The following RASAL1 variants were observed in gnomAD, a reference collection of about 807,000 sequenced individuals.
The protein encoded by RASAL1 is rasGAP-activating-like protein 1.
In RASAL1, 72 loss-of-function variants were observed where a neutral mutation model predicts 96.6. The ratio of observed to expected loss-of-function variants is 0.75; its 90% CI spans 0.62 to 0.91. RASAL1 has a LOEUF of 0.91. Ranked by LOEUF, RASAL1 falls within the 40% of genes least tolerant of loss-of-function variation. The pLI is 0.00. For synonymous variants in RASAL1, 405 were observed against 430.4 expected (o/e 0.94, Z 0.73); for missense variants, 1,016 against 1,072.5 (o/e 0.95, Z 0.74).
At chr12:113,100,189 G>C in intron 20 of RASAL1, 121 bp from the exon 21 acceptor site, 1 of 1,156,396 alleles carries the variant, frequency 8.6e-7, no homozygotes, top group African/African-American at 1.6e-5. Context: ...TAAAATCCTT[G>C]AGAATCCCCA....
In RASAL1 at chr12:113,115,071, C is replaced by T; in HGVS notation, c.1068+129G>A. On this transcript the variant is annotated intron_variant, in intron 11 of 20. Coordinates refer to ENST00000548055, the MANE Select transcript of RASAL1 (RefSeq NM_001301202.2). The surrounding 1 kb of genome is among the most constrained non-coding windows in gnomAD (Gnocchi z 4.1). ...TGCAACTCAGGGCAAGGCCGGGCACCAGCCGCCAGCACTGCAGCTCGGCTG... is the reference window on the plus strand; with the variant it reads ...TGCAACTCAGGGCAAGGCCGGGCACTAGCCGCCAGCACTGCAGCTCGGCTG... 1 of 1,169,286 alleles carries T rather than the reference C, an allele frequency of 8.6e-7. No homozygotes were observed. The highest frequency in any genetic ancestry group is 1.3e-6 in the Non-Finnish European group (1 of 786,488). 72.4% of individuals were successfully genotyped at this position (1,169,286 alleles called of 1,614,324 possible).
At chr12:113,134,494 G>T (rs559744858) in intron 1 of RASAL1, among the ~76,000 whole-genome samples, 1 of 152,290 alleles carries the variant, frequency 6.6e-6, no homozygotes, top group East Asian at 1.9e-4. Context: ...ACCAGATGGG[G>T]ACTCCGGTCC....
chr12:113,135,761 C>A lies in RASAL1; in HGVS notation c.-299G>T, dbSNP rs1431575886. On this transcript the variant is annotated 5_prime_UTR_variant, in exon 1 of 21. Coordinates refer to ENST00000548055, the MANE Select transcript of RASAL1 (RefSeq NM_001301202.2). The surrounding 1 kb of genome is among the most constrained non-coding windows in gnomAD (Gnocchi z 5.7). ...TGGAGCTCCAGACAAGCAGGCTGGG[C>A]GGGCAGGGGGCGGGAGGGGCGGCCC... The A allele has an allele frequency of 6.2e-6, 1 of 160,868 alleles. No homozygotes were observed. The highest frequency in any genetic ancestry group is 1.3e-5 in the Non-Finnish European group (1 of 79,024). 10.0% of individuals were successfully genotyped at this position (160,868 alleles called of 1,614,324 possible).
In RASAL1 at chr12:113,129,035, T is replaced by C. The variant is rs1466290168; in HGVS notation, c.123-857A>G. ...TTCATTCATTTGTTCATTCGTTTAC[T>C]CCATAAACATTCACTTGGACTATGG... On this transcript the variant is annotated intron_variant, in intron 2 of 20. Coordinates refer to ENST00000548055, the MANE Select transcript of RASAL1 (RefSeq NM_001301202.2). This position sits in a 1 kb window ranked among gnomAD's most constrained non-coding sequence, Gnocchi z 5.0. Among the ~76,000 whole-genome samples, 2 of 151,924 alleles carry C rather than the reference T, an allele frequency of 1.3e-5. No individual in the cohort carries two copies. The highest frequency in any genetic ancestry group is 2.4e-5 in the African/African-American group (1 of 41,358).
Position 113,125,509 on chromosome 12 carries a change from C to T in RASAL1, c.298+2303G>A, listed in dbSNP as rs557652285. On this transcript the variant is annotated intron_variant, in intron 4 of 20. Transcript: ENST00000548055. Reference sequence around the variant, plus strand: ...TTCAAAACTGTATATAAAAAAGGCTCATGGAGAAGTGCAAAATAAACCTAT... The same window carrying T: ...TTCAAAACTGTATATAAAAAAGGCTTATGGAGAAGTGCAAAATAAACCTAT... Among the ~76,000 whole-genome samples, 12 of 152,258 alleles carry T rather than the reference C, an allele frequency of 7.9e-5. No homozygotes were observed. The South Asian group carries it at 2.1e-3, about 26-fold the overall frequency.
At chr12:113,101,836 G>T in intron 19 of RASAL1, 53 bp downstream of exon 19, 1 of 1,587,228 alleles carries the variant, frequency 6.3e-7, no homozygotes, top group Non-Finnish European at 8.6e-7. Context: ...CCACGGTGGG[G>T]GGCTGGCCTG....
intron 13 of RASAL1, 124 bp from the exon 14 acceptor site, chr12:113,108,346 G>T: frequency 8.4e-7 from 1 of 1,195,060 alleles, no homozygotes; most frequent in Non-Finnish European, 1.1e-6. Context: ...TGACCAGGAA[G>T]CCACACCGGC....
rs1295401502 is a variant in RASAL1, at chr12:113,115,733, C to T, written c.905G>A (p.Arg302His). 8.1e-6 allele frequency: 13 copies of T among 1,614,146 alleles called. No individual in the cohort carries two copies. Among genetic ancestry groups the T allele is most frequent in the South Asian group, 4.4e-5 (4 of 91,074 alleles). Residue 302 changes from arginine (R) to histidine (H), a missense_variant, in exon 10 of 21, where the codon CGC (arginine) becomes CAC (histidine). Coordinates refer to ENST00000548055, the MANE Select transcript of RASAL1 (RefSeq NM_001301202.2). This position sits in a 1 kb window ranked among gnomAD's most constrained non-coding sequence, Gnocchi z 4.1. ...LLEELTLGDC[R>H]QDLATKLVKL... ...CACCAGCTTGGTGGCAAGGTCCTGG[C>T]GGCAGTCCCCCAAGGTCAGCTCTTC...
chr12:113,108,036 T>G, intron 14 of RASAL1, 49 bp downstream of exon 14: 1 of 1,566,400 alleles, frequency 6.4e-7, no homozygotes, highest in Non-Finnish European at 8.6e-7. Context: ...CTACCATGCT[T>G]TTTTCCCTGG....
In RASAL1 at chr12:113,127,835, T is replaced by C; in HGVS notation, c.275A>G (p.Glu92Gly). 2 of 1,613,058 alleles carry C rather than the reference T, an allele frequency of 1.2e-6. No individual in the cohort carries two copies. Among genetic ancestry groups the C allele is most frequent in the Non-Finnish European group, 1.7e-6 (2 of 1,179,230 alleles). The change falls in exon 4 of 21, where the codon GAG becomes GGG. Residue 92 changes from glutamate to glycine, a missense_variant. By Grantham distance (98) the Glu-to-Gly change is moderately conservative. Coordinates refer to ENST00000548055, the MANE Select transcript of RASAL1 (RefSeq NM_001301202.2). ...ACCTCGGGGGTCGGCTGTAATCGCC[T>C]CCCTGCTCAGCGAGATCTTGCCGAT... ...DIIGKISLSR[E>G]AITADPRGID...
chr12:113,111,913 A>T (rs73207018), intron 13 of RASAL1, among the ~76,000 whole-genome samples, 173 bp downstream of exon 13: 16,861 of 152,038 alleles, frequency 0.11, 1,119 homozygotes, highest in Middle Eastern at 0.19. Flanking sequence ...TTTTATTATT[A>T]CTATCATTCT....
chr12:113,130,092 G>A lies in RASAL1; in HGVS notation c.122+793C>T, dbSNP rs1320503084. On this transcript the variant is annotated intron_variant, in intron 2 of 20. Transcript: ENST00000548055. The surrounding 1 kb of genome is among the most constrained non-coding windows in gnomAD (Gnocchi z 5.1). The stretch of plus-strand genomic sequence containing the variant: ...TGAGCCCATCTGGACCAGAATAGGA[G>A]CATCCTGAATCCTGCCGTCTCCATA... Among the ~76,000 whole-genome samples, 2 of 151,970 alleles carry A rather than the reference G, an allele frequency of 1.3e-5. No homozygotes were observed. Among genetic ancestry groups the A allele is most frequent in the Non-Finnish European group, 2.9e-5 (2 of 67,972 alleles).
chr12:113,115,159 G>A lies in RASAL1; in HGVS notation c.1068+41C>T, dbSNP rs754473599. On this transcript the variant is annotated intron_variant, in intron 11 of 20. Transcript: ENST00000548055. This position sits in a 1 kb window ranked among gnomAD's most constrained non-coding sequence, Gnocchi z 4.1. The stretch of plus-strand genomic sequence containing the variant: ...GGTAGGCACTGGGAAGGAGGTACCC[G>A]AGGAAGCTGCGCCTGGTCCCGCAGG... The A allele has an allele frequency of 1.1e-4, 180 of 1,567,574 alleles. No individual in the cohort carries two copies. Among genetic ancestry groups the A allele is most frequent in the Non-Finnish European group, 9.0e-5 (103 of 1,138,376 alleles).
At chr12:113,108,352 C>A in intron 13 of RASAL1, 130 bp from the exon 14 acceptor site, 1 of 1,158,146 alleles carries the variant, frequency 8.6e-7, no homozygotes, top group Non-Finnish European at 1.2e-6. Context: ...GGAAGCCACA[C>A]CGGCTGGCCG....
intron 18 of RASAL1, among the ~76,000 whole-genome samples, chr12:113,103,304 A>G (rs1252838566): frequency 6.6e-6 from 1 of 151,606 alleles, no homozygotes; most frequent in South Asian, 2.1e-4. Flanking sequence ...ATAACAATGT[A>G]TAACATTGTA....
chr12:113,121,549 C>T lies in RASAL1; in HGVS notation c.388G>A (p.Gly130Arg), dbSNP rs552882559. 1 of 1,614,194 alleles carries T rather than the reference C, an allele frequency of 6.2e-7. No individual in the cohort carries two copies. The highest frequency in any genetic ancestry group is 1.3e-5 in the African/African-American group (1 of 75,042). ...TGGCAGCGAAGGCAGCGGCCCTGCC[C>T]ATCCTCCAGCATCTGCACTGACAGG... ...ICLSVQMLED[G>R]QGRCLRCHVL... is the part of the protein sequence containing the mutation. Residue 130 changes from glycine to arginine, a missense_variant, in exon 5 of 21, where the codon GGG becomes AGG. Physicochemically the swap from Gly to Arg is moderately radical, Grantham distance 125. Coordinates refer to ENST00000548055, the MANE Select transcript of RASAL1 (RefSeq NM_001301202.2).
chr12:113,115,338 G>C lies in RASAL1; in HGVS notation c.1004-74C>G. On this transcript the variant is annotated intron_variant, in intron 10 of 20. Coordinates refer to ENST00000548055, the MANE Select transcript of RASAL1 (RefSeq NM_001301202.2). The surrounding 1 kb of genome is among the most constrained non-coding windows in gnomAD (Gnocchi z 4.1). ...AGCTCACCCCACTCACCCAAGGTGG[G>C]AGTCATGATTCTTCCAGCCCCAAGA... 7.2e-7 allele frequency: 1 copy of C among 1,379,628 alleles called. No homozygotes were observed. Among genetic ancestry groups the C allele is most frequent in the Non-Finnish European group, 1.0e-6 (1 of 967,344 alleles). The allele number at this position is 1,379,628 out of a possible 1,614,324, so 85.5% of individuals were successfully genotyped here.
Position 113,130,016 on chromosome 12 carries a change from G to C in RASAL1, c.122+869C>G, listed in dbSNP as rs562584127. Among the ~76,000 whole-genome samples, 1 of 152,082 alleles carries C rather than the reference G, an allele frequency of 6.6e-6. No individual in the cohort carries two copies. The highest frequency in any genetic ancestry group is 2.4e-5 in the African/African-American group (1 of 41,398). Reference sequence around the variant, plus strand: ...GGACAGTGGAGGGGAGTCAGTGGAGGGGGGAGCTACAGCTGACCCCTCCCC... The same window carrying C: ...GGACAGTGGAGGGGAGTCAGTGGAGCGGGGAGCTACAGCTGACCCCTCCCC... On this transcript the variant is annotated intron_variant, in intron 2 of 20. Transcript: ENST00000548055. The surrounding 1 kb of genome is among the most constrained non-coding windows in gnomAD (Gnocchi z 5.1).
chr12:113,123,231 C>G (rs1024070458), intron 4 of RASAL1, among the ~76,000 whole-genome samples: 5 of 152,138 alleles, frequency 3.3e-5, no homozygotes, highest in African/African-American at 9.7e-5. Flanking sequence ...AATCTAAAGT[C>G]TTTGTGGGTC....
Sources: gnomAD v4.1 joint callset for allele counts (sites outside exome capture counted in the v4.1 genomes callset) on GRCh38, gnomAD v4.1.1 for gene constraint, Gnocchi (gnomAD v3.1) non-coding constraint, MANE v1.5 for transcripts, NCBI Gene and HGNC (gene_info 2026-07-23, HGNC 2026-07-21) for gene names.